HGSNAT: variants seen among roughly 807,000 people sequenced by gnomAD.
The protein encoded by HGSNAT is transmembrane protein 76.
HGSNAT carries 59 observed loss-of-function variants against 85.2 expected under a neutral mutation model. That is an observed-to-expected ratio of 0.69 (90% CI 0.56 to 0.86). HGSNAT has a LOEUF of 0.86. Ranked by LOEUF, HGSNAT falls within the 40% of genes least tolerant of loss-of-function variation. The probability of loss-of-function intolerance (pLI) is 0.00; values close to 1 mark genes in which losing one functional copy is unlikely to be tolerated. For synonymous variants in HGSNAT, 321 were observed against 304.5 expected, an observed-to-expected ratio of 1.05 and a Z score of -0.56; for missense variants, 756 against 777.1, an observed-to-expected ratio of 0.97 and a Z score of 0.32.
intron 5 of HGSNAT, among the ~76,000 whole-genome samples, chr8:43,162,402 G>A (rs755555139): frequency 7.9e-5 from 12 of 152,132 alleles, no homozygotes; most frequent in Non-Finnish European, 1.5e-4. Context: ...CCCAGAAGCC[G>A]GTGTGTAACC....
At chr8:43,166,966 G>C (rs191729513) in intron 5 of HGSNAT, among the ~76,000 whole-genome samples, 1 of 152,140 alleles carries the variant, frequency 6.6e-6, no homozygotes, top group African/African-American at 2.4e-5. Flanking sequence ...TGGATGACTC[G>C]GGGGTTTAAG....
intron 5 of HGSNAT, among the ~76,000 whole-genome samples, chr8:43,164,731 G>A (rs1407700325): frequency 2.0e-5 from 3 of 152,152 alleles, no homozygotes; most frequent in East Asian, 1.9e-4. Flanking sequence ...GCAGTGAGCC[G>A]AGATCGCGCT....
intron 4 of HGSNAT, among the ~76,000 whole-genome samples, 182 bp downstream of exon 4, chr8:43,159,226 G>A (rs1229924192): frequency 6.6e-6 from 1 of 152,118 alleles, no homozygotes; most frequent in East Asian, 1.9e-4. Context: ...TTTCTACTTA[G>A]TTATGATGTA....
Position 43,200,491 on chromosome 8 carries a change from A to G in HGSNAT, c.*922A>G, listed in dbSNP as rs1804882588. The G allele has an allele frequency of 6.6e-6, 1 of 152,268 alleles. No individual in the cohort carries two copies. The highest frequency in any genetic ancestry group is 2.4e-5 in the African/African-American group (1 of 41,470). 9.4% of individuals were successfully genotyped at this position (152,268 alleles called of 1,614,324 possible). On this transcript the variant is annotated 3_prime_UTR_variant, in exon 18 of 18. Transcript: ENST00000379644. ...CATCAAAAGCTTTTCTGAAATCTTC[A>G]GAAGAAATAGTTCCATTACAGAAAA...
chr8:43,154,020 A>T (rs745777132), intron 2 of HGSNAT, among the ~76,000 whole-genome samples: 1 of 152,120 alleles, frequency 6.6e-6, no homozygotes, highest in Non-Finnish European at 1.5e-5. Flanking sequence ...GAGTACAAGT[A>T]TCTCTTTGAC....
intron 1 of HGSNAT, among the ~76,000 whole-genome samples, chr8:43,146,341 G>T (rs1327424383): frequency 6.6e-6 from 1 of 152,166 alleles, no homozygotes; most frequent in East Asian, 1.9e-4. Flanking sequence ...CCCCGCCCCT[G>T]GGCCTCGCTA....
chr8:43,146,907 G>GC lies in HGSNAT; in HGVS notation c.119-39dup, dbSNP rs769010043. 153 of 977,624 alleles carry GC rather than the reference G, an allele frequency of 1.6e-4. 1 individual carries two copies. Among genetic ancestry groups the GC allele is most frequent in the Non-Finnish European group, 2.1e-4 (134 of 649,030 alleles). The allele number at this position is 977,624 out of a possible 1,614,324, so 60.6% of individuals were successfully genotyped here. On this transcript the variant is annotated intron_variant, in intron 1 of 17. Coordinates refer to ENST00000379644, the MANE Select transcript of HGSNAT (RefSeq NM_152419.3). ...TTTGTCTCTAACACATCTTTCGGGTGCCTTTTTTTTTTTTTTTTAACTTTT... is the reference window on the plus strand; with the variant it reads ...TTTGTCTCTAACACATCTTTCGGGTGCCCTTTTTTTTTTTTTTTTAACTTTT...
intron 3 of HGSNAT, 59 bp from the exon 4 acceptor site, chr8:43,158,864 A>C: frequency 6.4e-7 from 1 of 1,563,298 alleles, no homozygotes; most frequent in South Asian, 1.2e-5. Context: ...ATATTAGCAA[A>C]ATCCAACTTC....
intron 10 of HGSNAT, among the ~76,000 whole-genome samples, chr8:43,180,073 A>C (rs1289476201): frequency 0.021 from 338 of 16,010 alleles, no homozygotes; most frequent in Non-Finnish European, 0.022. Context: ...TGACCCCCCC[A>C]CCTCCCTCCC....
chr8:43,192,713 A>G (rs1254398929), intron 13 of HGSNAT, among the ~76,000 whole-genome samples: 1 of 151,930 alleles, frequency 6.6e-6, no homozygotes, highest in Non-Finnish European at 1.5e-5. Context: ...GCTTGAGCCC[A>G]GGAATCTGAG....
In HGSNAT at chr8:43,197,939, A is replaced by T; in HGVS notation, c.1713A>T (p.Pro571=). ...TGAAGGGGCTGTGGACAGGAACCCC[A>T]TTCTTTTATCCAGGTAAGTCACCTC... ...VDVKGLWTGT[P]FFYPGMNSIL... The change falls in exon 17 of 18, where the codon CCA becomes CCT. Residue 571 remains proline (P), a synonymous_variant. Transcript: ENST00000379644. 2 of 1,612,868 alleles carry T rather than the reference A, an allele frequency of 1.2e-6. No individual in the cohort carries two copies. The highest frequency in any genetic ancestry group is 1.7e-6 in the Non-Finnish European group (2 of 1,179,106).
intron 14 of HGSNAT, chr8:43,196,648 A>C (rs1586756935): frequency 2.6e-6 from 2 of 759,328 alleles, no homozygotes; most frequent in Non-Finnish European, 4.1e-6. Flanking sequence ...CTGCTGCCCC[A>C]TTCTGCTCAG....
chr8:43,168,384 C>CTTTTTTTTTTTTT (rs34270087), intron 5 of HGSNAT, among the ~76,000 whole-genome samples: 1 of 70,224 alleles, frequency 1.4e-5, no homozygotes, highest in African/African-American at 6.6e-5. Context: ...AATAGTTGAT[C>CTTTTTTTTTTTTT]TTTTTTTTTT....
At chr8:43,150,110 C>CCGCACCCAGT (rs1302819960) in intron 2 of HGSNAT, among the ~76,000 whole-genome samples, 10 of 152,096 alleles carry the variant, frequency 6.6e-5, no homozygotes, top group Middle Eastern at 3.2e-3. Context: ...GCGCCCGCCA[C>CCGCACCCAGT]CGCACCCAGT....
At chr8:43,150,552 G>A (rs1039858275) in intron 2 of HGSNAT, among the ~76,000 whole-genome samples, 2 of 151,180 alleles carry the variant, frequency 1.3e-5, no homozygotes, top group African/African-American at 4.9e-5. Flanking sequence ...TGCTTTTGGA[G>A]GCCAGGCGCG....
At chr8:43,147,135 C>G (rs1427671064) in intron 2 of HGSNAT, 72 bp downstream of exon 2, 2 of 823,008 alleles carry the variant, frequency 2.4e-6, no homozygotes, top group Non-Finnish European at 3.9e-6. Context: ...GCTCTCATGT[C>G]TAAAGCCCTT....
chr8:43,188,657 A>C (rs1196987167), intron 11 of HGSNAT, among the ~76,000 whole-genome samples: 1 of 152,174 alleles, frequency 6.6e-6, no homozygotes, highest in East Asian at 1.9e-4. Flanking sequence ...AACTCATCAA[A>C]GTCATTCTCC....
At chr8:43,190,208 C>G (rs902432230) in intron 11 of HGSNAT, among the ~76,000 whole-genome samples, 4 of 152,162 alleles carry the variant, frequency 2.6e-5, no homozygotes, top group Non-Finnish European at 1.5e-5. Context: ...GGAGTTCACT[C>G]AGGTGACAGT....
chr8:43,192,620 G>T (rs1268132475), intron 13 of HGSNAT, among the ~76,000 whole-genome samples, 190 bp downstream of exon 13: 1 of 152,058 alleles, frequency 6.6e-6, no homozygotes, highest in African/African-American at 2.4e-5. Flanking sequence ...CATTATTTTG[G>T]ATTTTAAAGT....
Sources: allele counts gnomAD v4.1 joint callset (sites outside exome capture counted in the v4.1 genomes callset), GRCh38; gene constraint gnomAD v4.1.1; transcripts MANE v1.5; gene names NCBI Gene and HGNC (gene_info 2026-07-23, HGNC 2026-07-21).